Variants in GPR155 observed in about 807,000 individuals in gnomAD.
The protein encoded by GPR155 is G protein-coupled receptor 155, also known as lysosomal cholesterol signaling protein.
A neutral mutation model predicts 93.1 loss-of-function variants in GPR155; 65 were observed. The ratio of observed to expected loss-of-function variants is 0.70; its 90% CI spans 0.57 to 0.86. The LOEUF (loss-of-function observed/expected upper bound fraction) is 0.86, where lower values mean the gene tolerates loss of function less well. Among genes scored for constraint, GPR155 ranks in the 40% least tolerant of loss-of-function variants. The pLI is 0.00. For missense variants in GPR155, 838 were observed against 1,034.8 expected, an observed-to-expected ratio of 0.81 and a Z score of 2.61; for synonymous variants, 319 against 360.1, an observed-to-expected ratio of 0.89 and a Z score of 1.29.
intron 13 of GPR155, among the ~76,000 whole-genome samples, chr2:174,443,302 A>C (rs1467721601): frequency 6.6e-6 from 1 of 152,228 alleles, no homozygotes; most frequent in Non-Finnish European, 1.5e-5. Context: ...AAACAGCAAC[A>C]TCTATTGACA....
intron 13 of GPR155, among the ~76,000 whole-genome samples, chr2:174,444,431 AT>A (rs1377781735): frequency 2.7e-5 from 4 of 147,558 alleles, no homozygotes; most frequent in South Asian, 2.1e-4. Flanking sequence ...AAAAAAAAAA[AT>A]TTAAGGAGCT....
chr2:174,466,440 C>T (rs1365974380), intron 6 of GPR155, 104 bp downstream of exon 6: 2 of 703,084 alleles, frequency 2.8e-6, no homozygotes, highest in Admixed American at 5.3e-5. Flanking sequence ...TTTGGTAATA[C>T]TTCTGACTTC....
In GPR155 at chr2:174,445,140, C is replaced by G; in HGVS notation, c.2050G>C (p.Glu684Gln). 2 of 1,598,878 alleles carry G rather than the reference C, an allele frequency of 1.3e-6. No individual in the cohort carries two copies. Among genetic ancestry groups the G allele is most frequent in the Non-Finnish European group, 8.6e-7 (1 of 1,166,370 alleles). ...SSCLWWLFNQ[E>Q]PGRLYVELQF... ...AACTCAACATAAAGTCTTCCAGGCT[C>G]TTGGTTGAATAGCCACCATAAACAA... Residue 684 changes from glutamate (E) to glutamine (Q), a missense_variant, in exon 13 of 16, where the codon GAG becomes CAG. Glu to Gln is a conservative substitution (Grantham distance 29). Around this residue, in one of 3 missense-constraint regions of GPR155, gnomAD observed 29 missense variants for 67.1 expected, o/e 0.43. Transcript: ENST00000392552.
chr2:174,486,046 T>C (rs923165144), intron 1 of GPR155, among the ~76,000 whole-genome samples: 1 of 152,348 alleles, frequency 6.6e-6, no homozygotes, highest in African/African-American at 2.4e-5. Context: ...ACTAACTTCA[T>C]AGAGAAAGCT....
chr2:174,451,459 T>A (rs2105689656), intron 11 of GPR155, among the ~76,000 whole-genome samples: 1 of 152,328 alleles, frequency 6.6e-6, no homozygotes, highest in South Asian at 2.1e-4. Flanking sequence ...GGGTAGAGAA[T>A]AAATTATATT....
intron 7 of GPR155, among the ~76,000 whole-genome samples, chr2:174,462,109 AT>A (rs963933253): frequency 1.4e-4 from 21 of 151,124 alleles, no homozygotes; most frequent in African/African-American, 5.1e-4. Flanking sequence ...CTAAATAAGA[AT>A]TTTTTTTTGT....
chr2:174,462,206 G>T (rs1379749367), intron 7 of GPR155, among the ~76,000 whole-genome samples: 1 of 152,140 alleles, frequency 6.6e-6, no homozygotes, highest in Non-Finnish European at 1.5e-5. Context: ...CCAAAGTGCT[G>T]GGATTACAGG....
chr2:174,481,406 T>C (rs974750574), intron 2 of GPR155, 91 bp downstream of exon 2: 79 of 760,176 alleles, frequency 1.0e-4, no homozygotes, highest in Middle Eastern at 7.8e-4. Context: ...AAAAACTTCT[T>C]AGATATGAGA....
At chr2:174,451,075 C>T (rs916560873) in intron 11 of GPR155, among the ~76,000 whole-genome samples, 7 of 152,060 alleles carry the variant, frequency 4.6e-5, no homozygotes, top group African/African-American at 1.2e-4. Context: ...TTTGGGAGGC[C>T]GAGGTGGGAG....
chr2:174,446,892 G>C (rs1687149277), intron 11 of GPR155, 145 bp from the exon 12 acceptor site: 14 of 724,934 alleles, frequency 1.9e-5, no homozygotes, highest in South Asian at 5.1e-5. Flanking sequence ...TTGGAAGAAA[G>C]CTCCTTCATG....
chr2:174,435,970 TG>T lies in GPR155; in HGVS notation c.*145del. ...AAAATCACAGACCCTGCGCATGTGG[TG>T]GGAGCACATCTTTTCACATTTTACA... On this transcript the variant is annotated 3_prime_UTR_variant, in exon 16 of 16. Coordinates refer to ENST00000392552, the MANE Select transcript of GPR155 (RefSeq NM_152529.7). The T allele has an allele frequency of 1.6e-6, 1 of 634,628 alleles. No homozygotes were observed. The highest frequency in any genetic ancestry group is 2.9e-5 in the Admixed American group (1 of 34,754). The allele number at this position is 634,628 out of a possible 1,614,324, so 39.3% of individuals were successfully genotyped here.
chr2:174,453,456 C>T (rs960737386), intron 11 of GPR155, among the ~76,000 whole-genome samples: 8 of 151,814 alleles, frequency 5.3e-5, no homozygotes, highest in South Asian at 2.1e-4. Context: ...GTCAGGAGAT[C>T]GAGACCATCC....
At chr2:174,486,464 C>CA (rs945858785) in intron 1 of GPR155, among the ~76,000 whole-genome samples, 2 of 152,168 alleles carry the variant, frequency 1.3e-5, no homozygotes, top group African/African-American at 4.8e-5. Flanking sequence ...TAACATACCC[C>CA]AAAAACGGGT....
intron 2 of GPR155, among the ~76,000 whole-genome samples, chr2:174,474,892 A>G (rs1688100896): frequency 6.6e-6 from 1 of 152,118 alleles, no homozygotes; most frequent in African/African-American, 2.4e-5. Flanking sequence ...AAATTATACA[A>G]TCTAATGCAA....
At chr2:174,468,337 A>G (rs1175593290) in intron 5 of GPR155, among the ~76,000 whole-genome samples, 1 of 152,188 alleles carries the variant, frequency 6.6e-6, no homozygotes, top group African/African-American at 2.4e-5. Context: ...CATGAATTCA[A>G]TAGGCCATTT....
chr2:174,455,764 ATTGT>A (rs1311825073), intron 10 of GPR155, among the ~76,000 whole-genome samples: 4 of 152,194 alleles, frequency 2.6e-5, no homozygotes, highest in Non-Finnish European at 5.9e-5. Context: ...AAGAAAGATA[ATTGT>A]TTGTTTAAAA....
chr2:174,471,441 G>A, intron 3 of GPR155, among the ~76,000 whole-genome samples: 1 of 138,204 alleles, frequency 7.2e-6, no homozygotes. Context: ...AGAAAAATAG[G>A]TATCTTCAAG....
At chr2:174,471,479 A>G (rs1687997779) in intron 3 of GPR155, among the ~76,000 whole-genome samples, 1 of 151,808 alleles carries the variant, frequency 6.6e-6, no homozygotes, top group Non-Finnish European at 1.5e-5. Context: ...AAAAAAAAAA[A>G]AAAAAAAAAT....
intron 11 of GPR155, among the ~76,000 whole-genome samples, chr2:174,447,359 TATATAATTA>T (rs1467214496): frequency 6.8e-6 from 1 of 146,896 alleles, no homozygotes; most frequent in African/African-American, 2.5e-5. Flanking sequence ...ATATAATTTT[TATATAATTA>T]ATATAATTAA....
Sources: allele counts gnomAD v4.1 joint callset (sites outside exome capture counted in the v4.1 genomes callset), GRCh38; gene constraint gnomAD v4.1.1; regional missense constraint gnomAD v4.1.1; transcripts MANE v1.5; gene names NCBI Gene and HGNC (gene_info 2026-07-23, HGNC 2026-07-21).